Variants in CDK13 observed in about 807,000 individuals in gnomAD.
CDK13 encodes cyclin-dependent kinase 13.
Under a neutral mutation model 137.6 loss-of-function variants are expected in CDK13, and 40 were observed. The ratio of observed to expected loss-of-function variants is 0.29; its 90% CI spans 0.23 to 0.38. The LOEUF (loss-of-function observed/expected upper bound fraction) is 0.38, where lower values mean the gene tolerates loss of function less well. Ranked by LOEUF, CDK13 falls within the 10% of genes least tolerant of loss-of-function variation. CDK13 has a pLI of 1.00. For synonymous variants in CDK13, 869 were observed against 760.1 expected (o/e 1.14, Z -2.36); for missense variants, 1,704 against 1,951.8 (o/e 0.87, Z 2.39).
chr7:40,011,724 G>A (rs930297849), intron 5 of CDK13, among the ~76,000 whole-genome samples: 2 of 152,110 alleles, frequency 1.3e-5, no homozygotes, highest in African/African-American at 4.8e-5. Context: ...CTTGGATTGG[G>A]CAGATGCTTA....
intron 5 of CDK13, among the ~76,000 whole-genome samples, chr7:40,043,445 A>G (rs1275557741): frequency 6.6e-6 from 1 of 152,152 alleles, no homozygotes; most frequent in Admixed American, 6.6e-5. Context: ...TAATTTTAGA[A>G]TTATTTTGTC....
intron 10 of CDK13, 168 bp downstream of exon 10, chr7:40,078,289 A>T (rs754677837): frequency 2.3e-6 from 1 of 428,496 alleles, no homozygotes; most frequent in Non-Finnish European, 4.1e-6. Flanking sequence ...TTTTACCATT[A>T]TTATGGAATC....
chr7:40,013,870 AGG>A (rs1446942195), intron 5 of CDK13, among the ~76,000 whole-genome samples: 2 of 152,108 alleles, frequency 1.3e-5, no homozygotes, highest in Non-Finnish European at 2.9e-5. Context: ...TAGACGGGTG[AGG>A]GGTGTCTCTG....
intron 1 of CDK13, among the ~76,000 whole-genome samples, chr7:39,982,787 T>C (rs948248463): frequency 6.6e-6 from 1 of 152,264 alleles, no homozygotes; most frequent in African/African-American, 2.4e-5. Flanking sequence ...CATTTTTTCA[T>C]GTGTCTTCTG....
rs200467348 is a variant in CDK13, at chr7:40,032,273, G to A, written c.2354-13563G>A. Reference sequence around the variant, plus strand: ...TTTTGGAGAGACAGGGTTTTGCCACGTTGCCCAGACTGGTTTCGAACTCCT... The same window carrying A: ...TTTTGGAGAGACAGGGTTTTGCCACATTGCCCAGACTGGTTTCGAACTCCT... On this transcript the variant is annotated intron_variant, in intron 5 of 13. Transcript: ENST00000181839. Among the ~76,000 whole-genome samples, 22 of 152,274 alleles carry A rather than the reference G, an allele frequency of 1.4e-4. No homozygotes were observed. The East Asian group carries it at 3.3e-3, about 23-fold the overall frequency.
At chr7:40,078,302 T>G in intron 10 of CDK13, 181 bp downstream of exon 10, 1 of 424,470 alleles carries the variant, frequency 2.4e-6, no homozygotes. Flanking sequence ...ATGGAATCAG[T>G]GATTTGAGAT....
chr7:40,026,348 CAAT>C (rs1348878649), intron 5 of CDK13, among the ~76,000 whole-genome samples: 9 of 151,960 alleles, frequency 5.9e-5, no homozygotes, highest in Admixed American at 6.6e-5. Context: ...ATCTCTAAAA[CAAT>C]AAAATACATT....
chr7:40,012,601 T>C (rs1362121588), intron 5 of CDK13, among the ~76,000 whole-genome samples: 1 of 150,974 alleles, frequency 6.6e-6, no homozygotes, highest in Non-Finnish European at 1.5e-5. Context: ...TGTTGTCAAA[T>C]AAAACATTTA....
At chr7:39,994,917 A>C (rs1043126288) in intron 2 of CDK13, among the ~76,000 whole-genome samples, 1 of 151,980 alleles carries the variant, frequency 6.6e-6, no homozygotes, top group African/African-American at 2.4e-5. Context: ...TTAAAAAAAA[A>C]AACAACTCTT....
At chr7:39,971,770 C>A (rs1367689127) in intron 1 of CDK13, among the ~76,000 whole-genome samples, 1 of 152,038 alleles carries the variant, frequency 6.6e-6, no homozygotes, top group Non-Finnish European at 1.5e-5. Flanking sequence ...ATAGTCCCAG[C>A]TACTTGGGAG....
At chr7:40,007,152 G>A (rs953154643) in intron 5 of CDK13, among the ~76,000 whole-genome samples, 8 of 152,106 alleles carry the variant, frequency 5.3e-5, no homozygotes, top group Non-Finnish European at 7.4e-5. Flanking sequence ...TTACTATCCC[G>A]TAATTAATTT....
intron 1 of CDK13, chr7:39,984,992 T>C (rs1236338588): frequency 6.9e-6 from 1 of 143,998 alleles, no homozygotes; most frequent in African/African-American, 2.8e-5. Flanking sequence ...AGCGAGACTC[T>C]GACTAAAAAC....
chr7:40,022,031 G>A (rs1442149705), intron 5 of CDK13, among the ~76,000 whole-genome samples: 1 of 152,114 alleles, frequency 6.6e-6, no homozygotes, highest in East Asian at 1.9e-4. Context: ...CACCTTTCAC[G>A]TTGAGGGCGA....
intron 1 of CDK13, among the ~76,000 whole-genome samples, chr7:39,975,898 A>G (rs17496240): frequency 0.041 from 6,317 of 152,308 alleles, 386 homozygotes; most frequent in African/African-American, 0.14. Context: ...GCATAATCCA[A>G]TTTATGTTTT....
chr7:39,966,068 A>C (rs895354783), intron 1 of CDK13, among the ~76,000 whole-genome samples: 5 of 151,878 alleles, frequency 3.3e-5, no homozygotes, highest in Admixed American at 3.3e-4. Context: ...CTTCATTTCA[A>C]CTTTGGTGAA....
chr7:40,048,337 C>G (rs1439134049), intron 7 of CDK13: 1 of 152,072 alleles, frequency 6.6e-6, no homozygotes, highest in Non-Finnish European at 1.5e-5. Flanking sequence ...GTATAAGACA[C>G]AAAAATGTAG....
At chr7:39,986,353 C>T (rs1348550959) in intron 1 of CDK13, 1 of 152,136 alleles carries the variant, frequency 6.6e-6, no homozygotes, top group African/African-American at 2.4e-5. Context: ...CTTTGCTTGC[C>T]ACTATACTTT....
rs189255812 is a variant in CDK13, at chr7:39,959,704, G to A, written c.1211+7852G>A. ...GGTCTCGAACTCTTGAGCTCAAGCA[G>A]TCTGCCTGCCTTGGCCTTTCAAAGT... On this transcript the variant is annotated intron_variant, in intron 1 of 13. Coordinates refer to ENST00000181839, the MANE Select transcript of CDK13 (RefSeq NM_003718.5). Among the ~76,000 whole-genome samples, 121 of 152,100 alleles carry A rather than the reference G, an allele frequency of 8.0e-4. 2 individuals carry two copies. In the East Asian group the frequency reaches 0.021, roughly 27 times the overall value.
In CDK13 at chr7:40,089,723, A is replaced by AGAGTGTGT. The variant is rs1491307176; in HGVS notation, c.3235+1393_3235+1394insAGTGTGTG. ...TAGAGAGAGAGAGAGAGAGAGAGAG[A>AGAGTGTGT]GTGTGTGTGTGTGTGTGTGTGTGTG... On this transcript the variant is annotated intron_variant, in intron 12 of 13. Coordinates refer to ENST00000181839, the MANE Select transcript of CDK13 (RefSeq NM_003718.5). Among the ~76,000 whole-genome samples the AGAGTGTGT allele has an allele frequency of 4.0e-3, 498 of 125,188 alleles. 3 individuals are homozygous for AGAGTGTGT. The highest frequency in any genetic ancestry group is 6.5e-3 in the Admixed American group (86 of 13,318). 82.1% of individuals were successfully genotyped at this position (125,188 alleles called of 152,430 possible). A position where few individuals can be genotyped will look rare whatever the true frequency, so the allele number is the denominator to read the frequency against.
Sources: allele counts gnomAD v4.1 joint callset (sites outside exome capture counted in the v4.1 genomes callset), GRCh38; gene constraint gnomAD v4.1.1; transcripts MANE v1.5; gene names NCBI Gene and HGNC (gene_info 2026-07-23, HGNC 2026-07-21).